Variants in EEF2K observed in about 807,000 individuals in gnomAD.
EEF2K encodes eukaryotic elongation factor 2 kinase.
In EEF2K, 70 loss-of-function variants were observed where a neutral mutation model predicts 93.8. The observed-to-expected ratio is 0.75, with a 90% CI of 0.62 to 0.91. EEF2K has a LOEUF of 0.91. Ranked by LOEUF, EEF2K falls within the 40% of genes least tolerant of loss-of-function variation. The pLI is 0.00. For synonymous variants in EEF2K, 376 were observed against 380.8 expected, an observed-to-expected ratio of 0.99 and a Z score of 0.15; for missense variants, 935 against 972.9, an observed-to-expected ratio of 0.96 and a Z score of 0.52.
intron 6 of EEF2K, 48 bp downstream of exon 6, chr16:22,251,370 C>T (rs1214530432): frequency 1.3e-6 from 2 of 1,599,842 alleles, no homozygotes; most frequent in Admixed American, 3.5e-5. Flanking sequence ...GGCAGCTGGG[C>T]ACAGTGTCTG....
chr16:22,239,478 T>A (rs1361038458), intron 2 of EEF2K, among the ~76,000 whole-genome samples: 1 of 152,194 alleles, frequency 6.6e-6, no homozygotes, highest in Admixed American at 6.5e-5. Context: ...CCCTGCCATT[T>A]GTAGCAGCCG....
rs765319205 is a variant in EEF2K, at chr16:22,266,813, C to T, written c.1701C>T (p.Ile567=). 5.0e-6 allele frequency: 8 copies of T among 1,614,068 alleles called. No homozygotes were observed. The highest frequency in any genetic ancestry group is 2.2e-5 in the East Asian group (1 of 44,894). Residue 567 remains isoleucine (I), a synonymous_variant, in exon 15 of 18, where the codon ATC becomes ATT. Coordinates refer to ENST00000263026, the MANE Select transcript of EEF2K (RefSeq NM_013302.5). ...HAANLGELEA[I]VGLGLMYSQL... is the part of the protein sequence containing the mutation. Reference sequence around the variant, plus strand: ...CCAACCTGGGCGAGCTGGAGGCCATCGTGGGCCTGGGACTCATGTACTCGC... The same window carrying T: ...CCAACCTGGGCGAGCTGGAGGCCATTGTGGGCCTGGGACTCATGTACTCGC...
chr16:22,253,944 AC>A (rs1227533066), intron 6 of EEF2K, among the ~76,000 whole-genome samples: 7 of 151,968 alleles, frequency 4.6e-5, no homozygotes, highest in Non-Finnish European at 1.0e-4. Context: ...TACTAAAAAT[AC>A]AAAATTAGCT....
At chr16:22,236,603 C>G (rs2141659671) in intron 2 of EEF2K, among the ~76,000 whole-genome samples, 2 of 151,986 alleles carry the variant, frequency 1.3e-5, no homozygotes, top group South Asian at 4.2e-4. Context: ...TGGATGTGTC[C>G]TCAAGTAACC....
intron 1 of EEF2K, 21 bp from the exon 2 acceptor site, chr16:22,225,633 T>C (rs565759368): frequency 2.6e-6 from 4 of 1,535,848 alleles, no homozygotes; most frequent in African/African-American, 1.4e-5. Context: ...ACCCACTCTC[T>C]GGCCCTTGCT....
At chr16:22,277,875 C>T (rs1365571234) in intron 16 of EEF2K, among the ~76,000 whole-genome samples, 1 of 151,992 alleles carries the variant, frequency 6.6e-6, no homozygotes, top group Non-Finnish European at 1.5e-5. Context: ...CTTGCATGGG[C>T]CTTCTTGCTG....
chr16:22,279,135 C>T (rs2047668289), intron 16 of EEF2K, among the ~76,000 whole-genome samples: 1 of 151,958 alleles, frequency 6.6e-6, no homozygotes, highest in Non-Finnish European at 1.5e-5. Context: ...AAAATGGGCC[C>T]CTTCCTCAAG....
intron 6 of EEF2K, among the ~76,000 whole-genome samples, chr16:22,252,897 A>G (rs1002750504): frequency 6.6e-6 from 1 of 152,174 alleles, no homozygotes; most frequent in Non-Finnish European, 1.5e-5. Flanking sequence ...ATTCACTATC[A>G]TGAGAACAGT....
intron 6 of EEF2K, 93 bp downstream of exon 6, chr16:22,251,415 T>A: frequency 7.2e-7 from 1 of 1,383,206 alleles, no homozygotes; most frequent in Non-Finnish European, 9.6e-7. Context: ...TATTTCACCT[T>A]CTTTTTTTTT....
In EEF2K at chr16:22,243,232, C is replaced by T. The variant is rs978561371; in HGVS notation, c.247-1398C>T. 2.7e-5 allele frequency among the ~76,000 whole-genome samples: 4 copies of T among 150,132 alleles called. No individual in the cohort carries two copies. The Admixed American group carries it at 2.7e-4, about 10-fold the overall frequency. On this transcript the variant is annotated intron_variant, in intron 2 of 17. Coordinates refer to ENST00000263026, the MANE Select transcript of EEF2K (RefSeq NM_013302.5). ...GGTCTGGTAAGGTCAAGAATCTCCA[C>T]CAGAGATGCAGCCTATTTTTTTTTT... is the stretch of plus-strand genomic sequence containing the variant.
intron 1 of EEF2K, among the ~76,000 whole-genome samples, chr16:22,208,553 T>C (rs1445807604): frequency 6.6e-6 from 1 of 151,956 alleles, no homozygotes; most frequent in Admixed American, 6.6e-5. Context: ...GATCCACCAA[T>C]TTGTTTTTCT....
In EEF2K at chr16:22,256,744, C is replaced by T. The variant is rs1177153584; in HGVS notation, c.619-4C>T. The stretch of plus-strand genomic sequence containing the variant: ...CCGCCTGAGCCCACTCCCCATCCCA[C>T]CAGGTGGACATCATGCAGATGTGCA... On this transcript the variant is annotated splice_polypyrimidine_tract_variant and splice_region_variant and intron_variant, in intron 6 of 17. Coordinates refer to ENST00000263026, the MANE Select transcript of EEF2K (RefSeq NM_013302.5). 6.2e-7 allele frequency: 1 copy of T among 1,613,446 alleles called. No individual in the cohort carries two copies. The highest frequency in any genetic ancestry group is 1.1e-5 in the South Asian group (1 of 91,030).
At chr16:22,218,938 A>T (rs1384638120) in intron 1 of EEF2K, among the ~76,000 whole-genome samples, 2 of 146,564 alleles carry the variant, frequency 1.4e-5, no homozygotes, top group Non-Finnish European at 3.0e-5. Flanking sequence ...AAAAAAATTA[A>T]AAAAAAAAAA....
At chr16:22,268,508 C>A (rs2047546490) in intron 15 of EEF2K, among the ~76,000 whole-genome samples, 1 of 151,956 alleles carries the variant, frequency 6.6e-6, no homozygotes, top group Admixed American at 6.6e-5. Context: ...ACTCTGTCAC[C>A]CAAGTTGGAG....
intron 8 of EEF2K, 41 bp downstream of exon 8, chr16:22,257,426 T>A: frequency 1.2e-6 from 2 of 1,607,120 alleles, no homozygotes; most frequent in East Asian, 4.5e-5. Context: ...GAAACCACGC[T>A]CCCTGCTAAA....
At chr16:22,225,441 CTG>C (rs2047053144) in intron 1 of EEF2K, among the ~76,000 whole-genome samples, 1 of 152,180 alleles carries the variant, frequency 6.6e-6, no homozygotes, top group South Asian at 2.1e-4. Flanking sequence ...TTTGCAAACA[CTG>C]AGTTCTTAAA....
chr16:22,283,693 A>G (rs534948706), intron 17 of EEF2K, among the ~76,000 whole-genome samples, 194 bp from the exon 18 acceptor site: 2 of 152,192 alleles, frequency 1.3e-5, no homozygotes, highest in South Asian at 2.1e-4. Context: ...GAGGAGTGCT[A>G]TTATTGGCTA....
intron 1 of EEF2K, among the ~76,000 whole-genome samples, chr16:22,220,098 G>A (rs946631456): frequency 1.3e-5 from 2 of 152,178 alleles, no homozygotes; most frequent in South Asian, 4.1e-4. Context: ...GCCAAAACCC[G>A]GTGGTTCTCT....
At chr16:22,212,595 C>T (rs1224761951) in intron 1 of EEF2K, among the ~76,000 whole-genome samples, 3 of 151,988 alleles carry the variant, frequency 2.0e-5, no homozygotes, top group Admixed American at 1.3e-4. Flanking sequence ...GCTGGGATTA[C>T]AGTCGTGAGC....
Sources: allele counts gnomAD v4.1 joint callset (sites outside exome capture counted in the v4.1 genomes callset), GRCh38; gene constraint gnomAD v4.1.1; transcripts MANE v1.5; gene names NCBI Gene and HGNC (gene_info 2026-07-23, HGNC 2026-07-21).